Variants in SLC12A5 observed in about 807,000 individuals in gnomAD.
SLC12A5 encodes K-Cl cotransporter 2.
Under a neutral mutation model 124.0 loss-of-function variants are expected in SLC12A5, and 18 were observed. The ratio of observed to expected loss-of-function variants is 0.15; its 90% CI spans 0.10 to 0.22. The LOEUF (loss-of-function observed/expected upper bound fraction) is 0.22. SLC12A5 is among the 10% of genes least tolerant of loss of function. SLC12A5 has a pLI of 1.00. For missense variants in SLC12A5, 867 were observed against 1,478.7 expected (o/e 0.59, Z 6.78); for synonymous variants, 589 against 568.0 (o/e 1.04, Z -0.53).
Position 46,058,311 on chromosome 20 carries a change from G to T in SLC12A5, c.*706G>T, listed in dbSNP as rs1397845856. On this transcript the variant is annotated 3_prime_UTR_variant, in exon 26 of 26. Transcript: ENST00000243964. The surrounding 1 kb of genome is among the most constrained non-coding windows in gnomAD (Gnocchi z 5.8). The stretch of plus-strand genomic sequence containing the variant: ...AGTGCTTTAGGCCCAGGCGGGGGTC[G>T]TGGCCTCGTTCCCTCGACACCTCCG... 2 of 396,942 alleles carry T rather than the reference G, an allele frequency of 5.0e-6. No homozygotes were observed. The highest frequency in any genetic ancestry group is 8.9e-6 in the Non-Finnish European group (2 of 225,410). The allele number at this position is 396,942 out of a possible 1,614,324, so 24.6% of individuals were successfully genotyped here.
chr20:46,027,321 G>A (rs935002785), upstream of SLC12A5, among the ~76,000 whole-genome samples: 4 of 152,160 alleles, frequency 2.6e-5, no homozygotes, highest in African/African-American at 7.2e-5. Context: ...AAGTGGCAGC[G>A]ATACTTGATT....
upstream of SLC12A5, among the ~76,000 whole-genome samples, chr20:46,028,606 G>C (rs2084418060): frequency 6.6e-6 from 1 of 152,088 alleles, no homozygotes; most frequent in African/African-American, 2.4e-5. Context: ...GTAGCACATT[G>C]CTTAATTATG....
rs1471042412 is a variant in SLC12A5, at chr20:46,049,672, A to AC, written c.2068dup (p.Gln690ProfsTer23). ...GTGGACCAAGACCAGAATGTGGTGC[A>AC]CCCCCAGCTGCTCTCACTGACCTCC... On this transcript the variant is annotated frameshift_variant, in exon 17 of 26. Transcript: ENST00000243964. LOFTEE classifies it high-confidence loss of function. The AC allele has an allele frequency of 6.2e-7, 1 of 1,606,010 alleles. No homozygotes were observed. The highest frequency in any genetic ancestry group is 8.5e-7 in the Non-Finnish European group (1 of 1,176,556).
At chr20:46,031,911 T>C (rs1350739875) in intron 1 of SLC12A5, among the ~76,000 whole-genome samples, 1 of 152,234 alleles carries the variant, frequency 6.6e-6, no homozygotes, top group African/African-American at 2.4e-5. Flanking sequence ...TTAGCTGTTC[T>C]GGTCCTTTGA....
intron 1 of SLC12A5, among the ~76,000 whole-genome samples, chr20:46,030,346 A>T (rs981089347): frequency 4.0e-5 from 6 of 151,820 alleles, no homozygotes; most frequent in Non-Finnish European, 8.8e-5. Flanking sequence ...GGGTGCGGAG[A>T]CTCGCAAGGA....
chr20:46,042,541 T>A (rs779665185), intron 8 of SLC12A5, among the ~76,000 whole-genome samples: 2 of 152,030 alleles, frequency 1.3e-5, no homozygotes, highest in African/African-American at 2.4e-5. Flanking sequence ...ACTGGAGGGG[T>A]GTACCTGGCA....
At chr20:46,047,420 G>A (rs775329510) in intron 14 of SLC12A5, 34 bp from the exon 15 acceptor site, 2 of 1,608,304 alleles carry the variant, frequency 1.2e-6, no homozygotes, top group African/African-American at 2.7e-5. Context: ...AGCCCTGCTG[G>A]GGCTCAGAGG....
At chr20:46,040,336 G>T (rs1312693789) in intron 6 of SLC12A5, 37 bp from the exon 7 acceptor site, 2 of 1,609,444 alleles carry the variant, frequency 1.2e-6, no homozygotes, top group Non-Finnish European at 1.7e-6. Flanking sequence ...AAGGGCTGCT[G>T]ACTTAGGTAT....
rs1156422515 is a variant in SLC12A5 at position 46,048,015 on chromosome 20, C to G, written c.1942C>G (p.Leu648Val). ...EKEWGDGIRG[L>V]SLSAARYALL... ...GGAGTGGGGCGATGGGATACGAGGT[C>G]TGTCTCTCAGTGCGGCTCGCTATGC... Residue 648 changes from leucine to valine, a missense_variant, in exon 16 of 26, where the codon CTG becomes GTG. Around this residue, in one of 9 missense-constraint regions of SLC12A5, gnomAD observed 152 missense variants for 358.7 expected, o/e 0.42. Coordinates refer to ENST00000243964, the MANE Select transcript of SLC12A5 (RefSeq NM_020708.5). The G allele has an allele frequency of 1.2e-6, 2 of 1,612,834 alleles. No homozygotes were observed. The highest frequency in any genetic ancestry group is 1.7e-5 in the Admixed American group (1 of 59,874).
chr20:46,025,580 C>T (rs774584090), upstream of SLC12A5, among the ~76,000 whole-genome samples: 5 of 152,028 alleles, frequency 3.3e-5, no homozygotes, highest in Admixed American at 6.5e-5. Flanking sequence ...GAAAGGGGTC[C>T]GGATTGGGAA....
chr20:46,037,422 T>C, intron 6 of SLC12A5, 37 bp downstream of exon 6: 1 of 1,580,828 alleles, frequency 6.3e-7, no homozygotes, highest in African/African-American at 1.3e-5. Context: ...GAACCCCAGG[T>C]TGTCAGTCAG....
In SLC12A5 at chr20:46,036,902, T is replaced by C. The variant is rs77083763; in HGVS notation, c.481+107T>C. The stretch of plus-strand genomic sequence containing the variant: ...GCCCAAGAGAGATAATATTCTAGAC[T>C]AGGGGGCTGGGCTGTATCTGTTTTC... On this transcript the variant is annotated intron_variant, in intron 5 of 25. Coordinates refer to ENST00000243964, the MANE Select transcript of SLC12A5 (RefSeq NM_020708.5). 1,640 of 1,387,004 alleles carry C rather than the reference T, an allele frequency of 1.2e-3. 13 individuals carry two copies. In the African/African-American group the frequency reaches 0.022, roughly 18 times the overall value. 85.9% of individuals were successfully genotyped at this position (1,387,004 alleles called of 1,614,324 possible).
chr20:46,055,969 A>T, intron 21 of SLC12A5, 181 bp from the exon 22 acceptor site: 1 of 776,368 alleles, frequency 1.3e-6, no homozygotes, highest in Non-Finnish European at 2.0e-6. Context: ...TCTGGAGAGG[A>T]GGTGGGGCAG....
At chr20:46,022,571 G>T (rs6073989) in intron 1 of SLC12A5, 66,125 of 343,140 alleles carry the variant, frequency 0.19, 7,175 homozygotes, top group East Asian at 0.33. Context: ...GAGACGGGAG[G>T]CAGGGAAGTT....
In SLC12A5 at chr20:46,056,316, C is replaced by T. The variant is rs777914464; in HGVS notation, c.2910+44C>T. On this transcript the variant is annotated intron_variant, in intron 22 of 25. Transcript: ENST00000243964. This position sits in a 1 kb window ranked among gnomAD's most constrained non-coding sequence, Gnocchi z 4.3. The stretch of plus-strand genomic sequence containing the variant: ...TTGGCCCCAACCAGTGGGAGCAGAG[C>T]CCTTGGCCTCCAAAGGACTCAACTG... The T allele has an allele frequency of 1.2e-6, 2 of 1,611,744 alleles. No individual in the cohort carries two copies. Among genetic ancestry groups the T allele is most frequent in the Admixed American group, 3.3e-5 (2 of 59,864 alleles).
rs2084661259 is a variant in SLC12A5, at chr20:46,053,197, C to A, written c.2547+71C>A. On this transcript the variant is annotated intron_variant, in intron 19 of 25. Transcript: ENST00000243964. This position sits in a 1 kb window ranked among gnomAD's most constrained non-coding sequence, Gnocchi z 4.7. ...ATGTATGCATTTGTGTGCATATGTGCACAACTGCAGGTCAGACTCAGGGGC... is the reference window on the plus strand; with the variant it reads ...ATGTATGCATTTGTGTGCATATGTGAACAACTGCAGGTCAGACTCAGGGGC... 6.6e-7 allele frequency: 1 copy of A among 1,510,502 alleles called. No individual in the cohort carries two copies. The highest frequency in any genetic ancestry group is 9.0e-7 in the Non-Finnish European group (1 of 1,109,466). The allele number at this position is 1,510,502 out of a possible 1,614,324, so 93.6% of individuals were successfully genotyped here. A position where few individuals can be genotyped will look rare whatever the true frequency, so the allele number is the denominator to read the frequency against.
chr20:46,041,064 G>C, intron 7 of SLC12A5: 1 of 428,150 alleles, frequency 2.3e-6, no homozygotes, highest in Admixed American at 3.9e-5. Flanking sequence ...GGTGGAGGGC[G>C]GCCCCCGAGA....
At chr20:46,043,839 C>A (rs2084570154) in intron 10 of SLC12A5, 37 bp from the exon 11 acceptor site, 2 of 1,613,756 alleles carry the variant, frequency 1.2e-6, no homozygotes, top group Non-Finnish European at 8.5e-7. Context: ...AGGGGGAGGA[C>A]TGAACCGTGG....
At position 46,056,779 on chromosome 20, in the gene SLC12A5, G is replaced by C. The variant is rs2084699882; in HGVS notation, c.3111-118G>C. 2 of 1,258,684 alleles carry C rather than the reference G, an allele frequency of 1.6e-6. No homozygotes were observed. Among genetic ancestry groups the C allele is most frequent in the Non-Finnish European group, 2.3e-6 (2 of 864,590 alleles). 78.0% of individuals were successfully genotyped at this position (1,258,684 alleles called of 1,614,324 possible). A position where few individuals can be genotyped will look rare whatever the true frequency, so the allele number is the denominator to read the frequency against. ...CAGGCAGCGGAAAGGTGAAGGGTGTGGGGGCTGGCAGAGCAGGACTCAGGG... is the reference window on the plus strand; with the variant it reads ...CAGGCAGCGGAAAGGTGAAGGGTGTCGGGGCTGGCAGAGCAGGACTCAGGG... On this transcript the variant is annotated intron_variant, in intron 23 of 25. Coordinates refer to ENST00000243964, the MANE Select transcript of SLC12A5 (RefSeq NM_020708.5). The surrounding 1 kb of genome is among the most constrained non-coding windows in gnomAD (Gnocchi z 4.3).
Sources: gnomAD v4.1 joint callset for allele counts (sites outside exome capture counted in the v4.1 genomes callset) on GRCh38, gnomAD v4.1.1 for gene constraint, gnomAD v4.1.1 regional missense constraint, Gnocchi (gnomAD v3.1) non-coding constraint, MANE v1.5 for transcripts, NCBI Gene and HGNC (gene_info 2026-07-23, HGNC 2026-07-21) for gene names.